DENND5B: variants seen among roughly 807,000 people sequenced by gnomAD.
The protein encoded by DENND5B is DENN domain-containing protein 5B.
In DENND5B, 34 loss-of-function variants were observed where a neutral mutation model predicts 140.6. That is an observed-to-expected ratio of 0.24 (90% CI 0.18 to 0.32). The LOEUF (loss-of-function observed/expected upper bound fraction) is 0.32. Ranked by LOEUF, DENND5B falls within the 10% of genes least tolerant of loss-of-function variation. The probability of loss-of-function intolerance (pLI) is 1.00; values close to 1 mark genes in which losing one functional copy is unlikely to be tolerated. For synonymous variants in DENND5B, 551 were observed against 562.1 expected (o/e 0.98, Z 0.28); for missense variants, 1,142 against 1,560.2 (o/e 0.73, Z 4.52).
intron 4 of DENND5B, among the ~76,000 whole-genome samples, chr12:31,456,409 C>T (rs1338909484): frequency 6.6e-6 from 1 of 151,966 alleles, no homozygotes; most frequent in Non-Finnish European, 1.5e-5. Flanking sequence ...GTCATGAAAC[C>T]TTCCTATACC....
intron 1 of DENND5B, among the ~76,000 whole-genome samples, chr12:31,511,112 G>A (rs573351599): frequency 9.9e-5 from 15 of 152,152 alleles, no homozygotes; most frequent in African/African-American, 2.9e-4. Flanking sequence ...GGTGGCATGA[G>A]CCTGTAGTCC....
At chr12:31,540,653 C>T (rs1355829943) in intron 1 of DENND5B, among the ~76,000 whole-genome samples, 4 of 150,600 alleles carry the variant, frequency 2.7e-5, no homozygotes, top group East Asian at 1.9e-4. Context: ...GACTCTGTCC[C>T]GCCCCCCAAC....
At chr12:31,452,641 C>T (rs1049316018) in intron 4 of DENND5B, among the ~76,000 whole-genome samples, 165 bp from the exon 5 acceptor site, 6 of 152,028 alleles carry the variant, frequency 3.9e-5, no homozygotes, top group East Asian at 1.9e-4. Context: ...CTGGGAAACA[C>T]GGCAAGATTC....
intron 1 of DENND5B, among the ~76,000 whole-genome samples, chr12:31,539,002 AC>A (rs1406075457): frequency 6.6e-6 from 1 of 151,818 alleles, no homozygotes; most frequent in East Asian, 1.9e-4. Flanking sequence ...TGCTAGACAG[AC>A]TAAGAAAAAG....
intron 1 of DENND5B, among the ~76,000 whole-genome samples, chr12:31,566,436 G>A (rs1555174686): frequency 1.3e-5 from 2 of 150,974 alleles, no homozygotes; most frequent in Non-Finnish European, 3.0e-5. Flanking sequence ...TGGTAAAACA[G>A]ATATATATAT....
chr12:31,442,905 G>A lies in DENND5B; in HGVS notation c.1882C>T (p.Leu628=), dbSNP rs752374300. ...ATTGCAGTGTGATCCATTTTCATCA[G>A]TCTCTGCTCAATTGATTGGGCTATA... ...KEAAQSIEQR[L]MKMDHTAIHP... Residue 628 remains leucine (L), a synonymous_variant, in exon 7 of 21, where the codon CTG becomes TTG. Coordinates refer to ENST00000389082, the MANE Select transcript of DENND5B (RefSeq NM_144973.4). 15 of 1,588,418 alleles carry A rather than the reference G, an allele frequency of 9.4e-6. No homozygotes were observed. Among genetic ancestry groups the A allele is most frequent in the African/African-American group, 1.3e-5 (1 of 74,516 alleles).
In DENND5B at chr12:31,415,427, C is replaced by T; in HGVS notation, c.2492G>A (p.Arg831Lys). ...ESPVALGPERRKSDSGVMLPT... is the reference protein window; with the variant it reads ...ESPVALGPERKKSDSGVMLPT... The stretch of plus-strand genomic sequence containing the variant: ...CAACATAACTCCTGAGTCAGATTTT[C>T]TTCTTTCTGGTCCGAGGGCAACTAT... Residue 831 changes from arginine to lysine, a missense_variant, in exon 12 of 21, where the codon AGA becomes AAA. Transcript: ENST00000389082. 6.2e-7 allele frequency: 1 copy of T among 1,609,368 alleles called. No individual in the cohort carries two copies. Among genetic ancestry groups the T allele is most frequent in the Non-Finnish European group, 8.5e-7 (1 of 1,177,690 alleles).
chr12:31,537,849 C>T (rs1269635227), intron 1 of DENND5B, among the ~76,000 whole-genome samples: 2 of 151,858 alleles, frequency 1.3e-5, no homozygotes, highest in African/African-American at 2.4e-5. Context: ...GTATATCAGA[C>T]GAAATAGATT....
At chr12:31,590,582 A>C (rs1015277681) in intron 1 of DENND5B, 124 bp downstream of exon 1, 1 of 1,182,176 alleles carries the variant, frequency 8.5e-7, no homozygotes. Flanking sequence ...TTCGGCCAGA[A>C]AGCGGCGGGA....
chr12:31,458,942 G>C (rs1944896442), intron 4 of DENND5B, among the ~76,000 whole-genome samples: 1 of 152,164 alleles, frequency 6.6e-6, no homozygotes, highest in African/African-American at 2.4e-5. Context: ...GCCAGGCACG[G>C]TGGCTCATGC....
At chr12:31,523,952 T>C (rs1947994801) in intron 1 of DENND5B, among the ~76,000 whole-genome samples, 2 of 152,184 alleles carry the variant, frequency 1.3e-5, no homozygotes, top group Admixed American at 6.5e-5. Flanking sequence ...CATAGCATTC[T>C]TTCTACCATA....
chr12:31,546,853 A>G (rs1193602862), intron 1 of DENND5B, among the ~76,000 whole-genome samples: 1 of 152,236 alleles, frequency 6.6e-6, no homozygotes, highest in Non-Finnish European at 1.5e-5. Context: ...TGTTTGATAC[A>G]TTCGACAACC....
chr12:31,509,903 A>G (rs148860286), intron 1 of DENND5B, among the ~76,000 whole-genome samples: 2 of 152,278 alleles, frequency 1.3e-5, no homozygotes, highest in African/African-American at 4.8e-5. Flanking sequence ...ATCAACGTGA[A>G]CTAAGATACC....
chr12:31,415,319 A>G (rs2137592081), intron 12 of DENND5B, 48 bp downstream of exon 12: 1 of 1,454,886 alleles, frequency 6.9e-7, no homozygotes, highest in African/African-American at 1.4e-5. Context: ...GCCACAAAAT[A>G]CTTCAAAGTT....
chr12:31,519,665 T>C (rs1591970950), intron 1 of DENND5B, among the ~76,000 whole-genome samples: 1 of 152,242 alleles, frequency 6.6e-6, no homozygotes, highest in Admixed American at 6.5e-5. Context: ...CATTTTTGTC[T>C]GATCACTGTA....
intron 8 of DENND5B, 67 bp downstream of exon 8, chr12:31,433,087 CT>C: frequency 7.8e-7 from 1 of 1,285,896 alleles, no homozygotes. Context: ...ACAATGACAT[CT>C]GCTGGAAGGA....
At chr12:31,481,643 A>T (rs1946077252) in intron 2 of DENND5B, among the ~76,000 whole-genome samples, 1 of 152,210 alleles carries the variant, frequency 6.6e-6, no homozygotes, top group African/African-American at 2.4e-5. Context: ...GAGGAACTGA[A>T]CAGGTCAGTG....
At chr12:31,574,300 A>ATTTT (rs1949934319) in intron 1 of DENND5B, among the ~76,000 whole-genome samples, 2 of 57,726 alleles carry the variant, frequency 3.5e-5, no homozygotes, top group South Asian at 1.1e-3. Flanking sequence ...ATAATAATTT[A>ATTTT]AAAGGGAGGT....
At chr12:31,559,117 C>T (rs187343504) in intron 1 of DENND5B, among the ~76,000 whole-genome samples, 57 of 152,278 alleles carry the variant, frequency 3.7e-4, no homozygotes, top group African/African-American at 1.1e-3. Context: ...CTACCATCCT[C>T]GTACTGATAG....
Sources: gnomAD v4.1 joint callset for allele counts (sites outside exome capture counted in the v4.1 genomes callset) on GRCh38, gnomAD v4.1.1 for gene constraint, MANE v1.5 for transcripts, NCBI Gene and HGNC (gene_info 2026-07-23, HGNC 2026-07-21) for gene names.